Variants in DGKD observed in about 807,000 individuals in gnomAD.
DGKD encodes DAG kinase delta.
A neutral mutation model predicts 154.4 loss-of-function variants in DGKD; 68 were observed. The ratio of observed to expected loss-of-function variants is 0.44; its 90% CI spans 0.36 to 0.54. The LOEUF is 0.54. Ranked by LOEUF, DGKD falls within the 20% of genes least tolerant of loss-of-function variation. The probability of loss-of-function intolerance (pLI) is 0.00; values close to 1 mark genes in which losing one functional copy is unlikely to be tolerated. For synonymous variants in DGKD, 693 were observed against 638.0 expected, an observed-to-expected ratio of 1.09 and a Z score of -1.30; for missense variants, 1,343 against 1,593.6, an observed-to-expected ratio of 0.84 and a Z score of 2.68.
At chr2:233,368,020 C>G (rs951785895) in intron 1 of DGKD, among the ~76,000 whole-genome samples, 9 of 151,814 alleles carry the variant, frequency 5.9e-5, no homozygotes, top group African/African-American at 2.2e-4. Context: ...TGTGATTTCC[C>G]CTTTACAGTT....
chr2:233,435,521 T>G (rs2062659766), intron 5 of DGKD, among the ~76,000 whole-genome samples: 1 of 152,266 alleles, frequency 6.6e-6, no homozygotes. Flanking sequence ...TGGCTGCTTT[T>G]GTGCTACATG....
intron 28 of DGKD, among the ~76,000 whole-genome samples, chr2:233,468,181 G>A (rs547521493): frequency 4.9e-4 from 74 of 150,448 alleles, no homozygotes; most frequent in Non-Finnish European, 7.5e-4. Context: ...GATGGATACC[G>A]GCTGCCAGAG....
rs571634437 is a variant in DGKD, at chr2:233,471,080, A to C, written c.*1620A>C. The C allele has an allele frequency of 6.6e-5, 10 of 152,482 alleles. No homozygotes were observed. The highest frequency in any genetic ancestry group is 2.4e-4 in the African/African-American group (10 of 41,560). The allele number at this position is 152,482 out of a possible 1,614,324, so 9.4% of individuals were successfully genotyped here. ...CCTCTGTCCCCTCTGCAGTGCACCC[A>C]GGTGGGCCCCTCTGCGTGCCTTTGG... On this transcript the variant is annotated 3_prime_UTR_variant, in exon 30 of 30. Transcript: ENST00000264057.
Position 233,456,880 on chromosome 2 carries a change from T to C in DGKD, c.2376-19T>C, listed in dbSNP as rs779974412. 2 of 1,603,746 alleles carry C rather than the reference T, an allele frequency of 1.2e-6. No homozygotes were observed. The highest frequency in any genetic ancestry group is 2.2e-5 in the East Asian group (1 of 44,860). ...GAAGAAAGCCCAGACCTATGGCAAG[T>C]CTTTGCTTCTGTTTCTAGGAGCCGA... On this transcript the variant is annotated intron_variant, in intron 19 of 29. Transcript: ENST00000264057.
rs116355636 is a variant in DGKD at position 233,397,780 on chromosome 2, G to A, written c.348+7297G>A. Reference sequence around the variant, plus strand: ...AGGTTTGTAGGATTGTTAGGAGAGAGTGGAGTGGAGAGTGCGGAGGTGTCT... The same window carrying A: ...AGGTTTGTAGGATTGTTAGGAGAGAATGGAGTGGAGAGTGCGGAGGTGTCT... On this transcript the variant is annotated intron_variant, in intron 3 of 29. Transcript: ENST00000264057. 1.4e-3 allele frequency among the ~76,000 whole-genome samples: 209 copies of A among 152,212 alleles called. 2 individuals carry two copies. Among genetic ancestry groups the A allele is most frequent in the African/African-American group, 4.7e-3 (197 of 41,516 alleles).
intron 3 of DGKD, among the ~76,000 whole-genome samples, chr2:233,425,806 A>G (rs954644931): frequency 6.6e-6 from 1 of 152,162 alleles, no homozygotes; most frequent in Non-Finnish European, 1.5e-5. Flanking sequence ...ATTGATCACT[A>G]TTTGTTTGGT....
chr2:233,374,830 T>TA (rs1366854303), intron 1 of DGKD, among the ~76,000 whole-genome samples: 4 of 150,800 alleles, frequency 2.7e-5, no homozygotes, highest in Non-Finnish European at 1.5e-5. Flanking sequence ...TTTATAGAGA[T>TA]AGAGTCTCTA....
chr2:233,379,582 T>C (rs1559483898), intron 1 of DGKD, among the ~76,000 whole-genome samples: 1 of 152,150 alleles, frequency 6.6e-6, no homozygotes, highest in Non-Finnish European at 1.5e-5. Context: ...GTGGGGCCAG[T>C]GGTCACTGTT....
chr2:233,395,818 G>A (rs370379127), intron 3 of DGKD, among the ~76,000 whole-genome samples: 1 of 152,008 alleles, frequency 6.6e-6, no homozygotes, highest in Non-Finnish European at 1.5e-5. Flanking sequence ...ACAGGCATGA[G>A]CCACCATGCC....
intron 2 of DGKD, 67 bp from the exon 3 acceptor site, chr2:233,390,336 C>A: frequency 8.0e-7 from 1 of 1,244,398 alleles, no homozygotes; most frequent in Non-Finnish European, 1.2e-6. Context: ...TGGTGGGCAG[C>A]GCTGGCTAGT....
At chr2:233,355,990 G>A (rs533965947) in intron 1 of DGKD, among the ~76,000 whole-genome samples, 1 of 152,362 alleles carries the variant, frequency 6.6e-6, no homozygotes, top group East Asian at 1.9e-4. Context: ...AGGACCGTAA[G>A]ATGGAAGGCA....
chr2:233,355,726 A>C (rs1018586138), intron 1 of DGKD, among the ~76,000 whole-genome samples: 2 of 152,232 alleles, frequency 1.3e-5, no homozygotes, highest in African/African-American at 2.4e-5. Context: ...TCCGGGTATA[A>C]CAGTAGCAGT....
At chr2:233,442,232 G>A (rs768645175) in intron 10 of DGKD, 1 of 641,578 alleles carries the variant, frequency 1.6e-6, no homozygotes. Flanking sequence ...GACCTGAAGG[G>A]AGCTACGAAA....
intron 18 of DGKD, chr2:233,454,221 T>C (rs2063381853): frequency 2.8e-6 from 1 of 358,806 alleles, no homozygotes; most frequent in African/African-American, 2.2e-5. Flanking sequence ...ACGTGGAACA[T>C]CCCAGTGTCC....
At chr2:233,387,975 CCTT>C (rs991008312) in intron 1 of DGKD, among the ~76,000 whole-genome samples, 10 of 152,166 alleles carry the variant, frequency 6.6e-5, no homozygotes, top group African/African-American at 1.2e-4. Context: ...CCTCAGTGTC[CCTT>C]CTTCATGTCT....
At chr2:233,463,731 C>T (rs1208223817) in intron 26 of DGKD, 2 of 225,918 alleles carry the variant, frequency 8.9e-6, no homozygotes, top group South Asian at 6.6e-5. Flanking sequence ...CCTCACTCTA[C>T]GCATCTCCTT....
intron 23 of DGKD, 130 bp downstream of exon 23, chr2:233,460,021 T>A: frequency 6.9e-7 from 1 of 1,450,074 alleles, no homozygotes; most frequent in South Asian, 1.5e-5. Flanking sequence ...ACACAATGAT[T>A]AAGCTAATAG....
intron 10 of DGKD, among the ~76,000 whole-genome samples, chr2:233,443,808 C>G (rs927615807): frequency 6.6e-6 from 1 of 152,208 alleles, no homozygotes; most frequent in African/African-American, 2.4e-5. Flanking sequence ...GTTAGGAAGA[C>G]AGTGGAACCT....
intron 1 of DGKD, among the ~76,000 whole-genome samples, chr2:233,384,935 A>G (rs1312369308): frequency 6.6e-6 from 1 of 151,990 alleles, no homozygotes; most frequent in Non-Finnish European, 1.5e-5. Flanking sequence ...GGCATTGCTC[A>G]CTGCCCTGTG....
Sources: gnomAD v4.1 joint callset for allele counts (sites outside exome capture counted in the v4.1 genomes callset) on GRCh38, gnomAD v4.1.1 for gene constraint, MANE v1.5 for transcripts, NCBI Gene and HGNC (gene_info 2026-07-23, HGNC 2026-07-21) for gene names.